ERBB4: variants seen among roughly 807,000 people sequenced by gnomAD.
ERBB4 encodes erb-b2 receptor tyrosine kinase 4, also known as receptor tyrosine-protein kinase erbB-4.
In ERBB4, 42 loss-of-function variants were observed where a neutral mutation model predicts 158.0. The ratio of observed to expected loss-of-function variants is 0.27; its 90% CI spans 0.21 to 0.34. ERBB4 has a LOEUF of 0.34. Ranked by LOEUF, ERBB4 falls within the 10% of genes least tolerant of loss-of-function variation. ERBB4 has a pLI of 1.00. For missense variants in ERBB4, 1,333 were observed against 1,624.1 expected, an observed-to-expected ratio of 0.82 and a Z score of 3.08; for synonymous variants, 583 against 558.7, an observed-to-expected ratio of 1.04 and a Z score of -0.61.
intron 1 of ERBB4, among the ~76,000 whole-genome samples, chr2:212,444,093 C>T (rs1414647061): frequency 6.6e-6 from 1 of 152,164 alleles, no homozygotes; most frequent in East Asian, 1.9e-4. Flanking sequence ...CCATGGTCTC[C>T]ACTCCTGCTA....
rs181036224 is a variant in ERBB4, at chr2:211,396,492, T to C, written c.3136-8500A>G. Among the ~76,000 whole-genome samples the C allele has an allele frequency of 2.0e-5, 3 of 152,314 alleles. No homozygotes were observed. In the East Asian group the frequency reaches 5.8e-4, roughly 29 times the overall value. On this transcript the variant is annotated intron_variant, in intron 25 of 27. Transcript: ENST00000342788. ...CAACAGTGAAATATTCAATCTTCTCTTTAGTAATAACCCAAGCTCAGGATG... is the reference window on the plus strand; with the variant it reads ...CAACAGTGAAATATTCAATCTTCTCCTTAGTAATAACCCAAGCTCAGGATG...
intron 1 of ERBB4, among the ~76,000 whole-genome samples, chr2:212,206,774 G>C (rs1470254916): frequency 2.6e-5 from 4 of 151,708 alleles, no homozygotes; most frequent in Middle Eastern, 3.4e-3. Context: ...ATTTTTAGTA[G>C]AGACGGGGTT....
chr2:212,509,442 C>T (rs1442906214), intron 1 of ERBB4, among the ~76,000 whole-genome samples: 6 of 151,902 alleles, frequency 3.9e-5, no homozygotes, highest in Non-Finnish European at 8.8e-5. Flanking sequence ...TTCAAATACC[C>T]TCCTCAGCCT....
At chr2:212,174,325 G>C (rs2081600361) in intron 1 of ERBB4, among the ~76,000 whole-genome samples, 1 of 152,066 alleles carries the variant, frequency 6.6e-6, no homozygotes, top group African/African-American at 2.4e-5. Context: ...TAGCCTATCT[G>C]ATGACTGTTT....
chr2:211,935,665 G>A (rs1425377682), intron 3 of ERBB4, among the ~76,000 whole-genome samples: 1 of 151,846 alleles, frequency 6.6e-6, no homozygotes, highest in African/African-American at 2.4e-5. Context: ...AGGGTCTTCA[G>A]CTTATAGGCA....
Position 211,699,257 on chromosome 2 carries a change from A to G in ERBB4, c.1489+2710T>C, listed in dbSNP as rs192160959. ...GTGTTGTATGTGGAACTACATACAG[A>G]CATGCACGCTGATATGCATATATGT... is the stretch of plus-strand genomic sequence containing the variant. On this transcript the variant is annotated intron_variant, in intron 12 of 27. Coordinates refer to ENST00000342788, the MANE Select transcript of ERBB4 (RefSeq NM_005235.3). 4.1e-3 allele frequency among the ~76,000 whole-genome samples: 629 copies of G among 152,332 alleles called. 2 individuals carry two copies. Among genetic ancestry groups the G allele is most frequent in the Middle Eastern group, 0.014 (4 of 294 alleles).
intron 3 of ERBB4, among the ~76,000 whole-genome samples, chr2:211,794,543 A>G (rs1158143767): frequency 6.6e-6 from 1 of 151,930 alleles, no homozygotes; most frequent in Non-Finnish European, 1.5e-5. Context: ...ATAGAACATG[A>G]CCAACTTTTG....
In ERBB4 at chr2:211,978,392, G is replaced by GTCTATCTA. The variant is rs1165469722; in HGVS notation, c.235-30777_235-30776insTAGATAGA. 7.7e-3 allele frequency among the ~76,000 whole-genome samples: 789 copies of GTCTATCTA among 102,100 alleles called. 1 individual carries two copies. Among genetic ancestry groups the GTCTATCTA allele is most frequent in the Middle Eastern group, 0.015 (3 of 202 alleles). The allele number at this position is 102,100 out of a possible 152,430, so 67.0% of individuals were successfully genotyped here. A position where few individuals can be genotyped will look rare whatever the true frequency, so the allele number is the denominator to read the frequency against. Reference sequence around the variant, plus strand: ...TGTCTGTCTGTCTGTCTGTCTGTCTGTCTGTCTATCTATCTATCTATCTAT... The same window carrying GTCTATCTA: ...TGTCTGTCTGTCTGTCTGTCTGTCTGTCTATCTATCTGTCTATCTATCTATCTATCTAT... On this transcript the variant is annotated intron_variant, in intron 2 of 27. Coordinates refer to ENST00000342788, the MANE Select transcript of ERBB4 (RefSeq NM_005235.3).
chr2:212,250,540 AATTAT>A (rs990068053), intron 1 of ERBB4, among the ~76,000 whole-genome samples: 2 of 151,974 alleles, frequency 1.3e-5, no homozygotes, highest in African/African-American at 4.8e-5. Flanking sequence ...TGAGTAATGA[AATTAT>A]ATTTTAAATT....
chr2:212,426,694 C>G (rs2105924734), intron 1 of ERBB4, among the ~76,000 whole-genome samples: 1 of 151,512 alleles, frequency 6.6e-6, no homozygotes, highest in Middle Eastern at 3.5e-3. Flanking sequence ...ACCACCTATC[C>G]ACACTCTCAC....
At chr2:212,202,100 A>C (rs1352742587) in intron 1 of ERBB4, among the ~76,000 whole-genome samples, 1 of 152,132 alleles carries the variant, frequency 6.6e-6, no homozygotes, top group Non-Finnish European at 1.5e-5. Flanking sequence ...TGTAGTATGG[A>C]TTGCATTTAA....
At chr2:211,515,774 C>A (rs2066005828) in intron 20 of ERBB4, among the ~76,000 whole-genome samples, 1 of 150,630 alleles carries the variant, frequency 6.6e-6, no homozygotes, top group African/African-American at 2.4e-5. Flanking sequence ...CACACATTTC[C>A]CTTTAATTCA....
At chr2:211,620,322 A>T (rs1221649526) in intron 18 of ERBB4, among the ~76,000 whole-genome samples, 1 of 152,168 alleles carries the variant, frequency 6.6e-6, no homozygotes, top group East Asian at 1.9e-4. Flanking sequence ...ATAGTTTGTT[A>T]TTCCTGAACA....
intron 1 of ERBB4, among the ~76,000 whole-genome samples, chr2:212,339,562 C>T (rs2088604959): frequency 1.3e-5 from 2 of 152,276 alleles, no homozygotes; most frequent in South Asian, 2.1e-4. Flanking sequence ...ACGCATCCCA[C>T]CACTTCATTT....
chr2:211,444,496 C>G (rs1351441461), intron 20 of ERBB4, among the ~76,000 whole-genome samples: 1 of 151,974 alleles, frequency 6.6e-6, no homozygotes, highest in Non-Finnish European at 1.5e-5. Flanking sequence ...TTACTTTTGC[C>G]TCTTAGAAAT....
chr2:212,073,192 A>T (rs1175873291), intron 2 of ERBB4, among the ~76,000 whole-genome samples: 2 of 151,990 alleles, frequency 1.3e-5, no homozygotes, highest in African/African-American at 4.8e-5. Flanking sequence ...AAGCTGCAGA[A>T]GAAATTGTAG....
intron 20 of ERBB4, among the ~76,000 whole-genome samples, chr2:211,455,716 C>T (rs1287876234): frequency 6.6e-6 from 1 of 152,136 alleles, no homozygotes; most frequent in African/African-American, 2.4e-5. Flanking sequence ...AAATTACAAA[C>T]ATAAAATATG....
intron 2 of ERBB4, among the ~76,000 whole-genome samples, chr2:212,107,182 GCCAGT>G (rs930943320): frequency 3.3e-5 from 5 of 152,200 alleles, no homozygotes; most frequent in African/African-American, 1.2e-4. Context: ...GACACTCAGT[GCCAGT>G]CTGTGAAAGC....
At chr2:211,827,058 A>C (rs1019476939) in intron 3 of ERBB4, among the ~76,000 whole-genome samples, 1 of 152,010 alleles carries the variant, frequency 6.6e-6, no homozygotes, top group Admixed American at 6.6e-5. Flanking sequence ...GTGTATATAT[A>C]ATCCAAAATT....
Sources: allele counts gnomAD v4.1 joint callset (sites outside exome capture counted in the v4.1 genomes callset), GRCh38; gene constraint gnomAD v4.1.1; transcripts MANE v1.5; gene names NCBI Gene and HGNC (gene_info 2026-07-23, HGNC 2026-07-21).